Variants in ARHGEF17 observed in about 807,000 individuals in gnomAD.
The protein encoded by ARHGEF17 is 164 kDa Rho-specific guanine-nucleotide exchange factor.
A neutral mutation model predicts 174.0 loss-of-function variants in ARHGEF17; 80 were observed. That is an observed-to-expected ratio of 0.46 (90% CI 0.38 to 0.55). The LOEUF (loss-of-function observed/expected upper bound fraction) is 0.55. Among genes scored for constraint, ARHGEF17 ranks in the 20% least tolerant of loss-of-function variants. The pLI is 0.00. For synonymous variants in ARHGEF17, 1,311 were observed against 1,189.1 expected, an observed-to-expected ratio of 1.10 and a Z score of -2.11; for missense variants, 2,886 against 2,839.7, an observed-to-expected ratio of 1.02 and a Z score of -0.37.
At chr11:73,329,523 C>G (rs1456768183) in intron 1 of ARHGEF17, among the ~76,000 whole-genome samples, 1 of 150,274 alleles carries the variant, frequency 6.7e-6, no homozygotes, top group Admixed American at 6.6e-5. Flanking sequence ...CCTCAGCCTC[C>G]CGAGTAGCTT....
intron 1 of ARHGEF17, among the ~76,000 whole-genome samples, chr11:73,321,199 G>T (rs1591724381): frequency 2.0e-5 from 3 of 152,350 alleles, no homozygotes; most frequent in Middle Eastern, 6.8e-3. Context: ...TTCTCTGGAG[G>T]TGGGGAGGAG....
In ARHGEF17 at chr11:73,310,967, G is replaced by A. The variant is rs1401442402; in HGVS notation, c.2329G>A (p.Glu777Lys). The A allele has an allele frequency of 1.9e-6, 3 of 1,614,196 alleles. No individual in the cohort carries two copies. Among genetic ancestry groups the A allele is most frequent in the South Asian group, 1.1e-5 (1 of 91,084 alleles). ...GCTCCCTGCCACCTCAGCCATGGAT[G>A]AGGGCTTGACCAGTGGTCACAGTGA... is the stretch of plus-strand genomic sequence containing the variant. ...TGLPATSAMDEGLTSGHSDWS... is the reference protein window; with the variant it reads ...TGLPATSAMDKGLTSGHSDWS... The change falls in exon 1 of 21, where the codon GAG becomes AAG. Residue 777 changes from glutamate (E) to lysine (K), a missense_variant. This residue lies in a region of ARHGEF17 where 1,728 missense variants were observed against 1,461.2 expected (regional missense o/e 1.18). Coordinates refer to ENST00000263674, the MANE Select transcript of ARHGEF17 (RefSeq NM_014786.4).
chr11:73,340,294 CT>C (rs1370463627), intron 1 of ARHGEF17, among the ~76,000 whole-genome samples: 1 of 152,202 alleles, frequency 6.6e-6, no homozygotes, highest in Non-Finnish European at 1.5e-5. Context: ...CAAGCAGTGC[CT>C]TTGGCACCAA....
At chr11:73,324,190 A>T (rs1387227204) in intron 1 of ARHGEF17, among the ~76,000 whole-genome samples, 1 of 152,102 alleles carries the variant, frequency 6.6e-6, no homozygotes, top group Non-Finnish European at 1.5e-5. Context: ...TCTGCTTCGG[A>T]GGTAACAGAC....
Position 73,310,915 on chromosome 11 carries a change from C to T in ARHGEF17, c.2277C>T (p.Leu759=), listed in dbSNP as rs1411984805. Residue 759 remains leucine, a synonymous_variant, in exon 1 of 21, where the codon CTC becomes CTT. Coordinates refer to ENST00000263674, the MANE Select transcript of ARHGEF17 (RefSeq NM_014786.4). The part of the protein sequence containing the change: ...EPTGFSVDSN[L]LGSLSPKTGL... ...CTGGGTTCTCTGTGGACAGCAACCT[C>T]CTGGGCTCACTGAGCCCCAAGACAG... 1.9e-6 allele frequency: 3 copies of T among 1,613,774 alleles called. No individual in the cohort carries two copies. Among genetic ancestry groups the T allele is most frequent in the African/African-American group, 1.3e-5 (1 of 74,926 alleles).
intron 6 of ARHGEF17, 176 bp from the exon 7 acceptor site, chr11:73,356,533 C>T (rs1249489105): frequency 2.8e-5 from 31 of 1,114,744 alleles, no homozygotes; most frequent in Admixed American, 4.4e-5. Context: ...TGTTCTTCCA[C>T]GTCTGTCTCT....
At position 73,352,932 on chromosome 11, in the gene ARHGEF17, G is replaced by A. The variant is rs763740527; in HGVS notation, c.3373G>A (p.Glu1125Lys). 20 of 1,614,034 alleles carry A rather than the reference G, an allele frequency of 1.2e-5. No homozygotes were observed. Among genetic ancestry groups the A allele is most frequent in the East Asian group, 2.2e-5 (1 of 44,888 alleles). The change falls in exon 3 of 21, where the codon GAG (glutamate) becomes AAG (lysine). Residue 1125 changes from glutamate (E) to lysine (K), a missense_variant. By Grantham distance (56) the Glu-to-Lys change is moderately conservative. This residue lies in a region of ARHGEF17 where 353 missense variants were observed against 470.3 expected (regional missense o/e 0.75). Coordinates refer to ENST00000263674, the MANE Select transcript of ARHGEF17 (RefSeq NM_014786.4). ...GATCCCCGAGCTCCTGGAGCACCAC[G>A]AGCAATTCCTGGAGCAGGTTCGGCA... ...DQIPELLEHH[E>K]QFLEQVRHCM...
intron 1 of ARHGEF17, among the ~76,000 whole-genome samples, chr11:73,322,176 C>T (rs1385684547): frequency 6.6e-6 from 1 of 152,190 alleles, no homozygotes; most frequent in African/African-American, 2.4e-5. Context: ...GTCCCGATAG[C>T]TCCATCTTTC....
Position 73,365,998 on chromosome 11 carries a change from G to C in ARHGEF17, c.5995+51G>C. On this transcript the variant is annotated intron_variant, in intron 20 of 20. Transcript: ENST00000263674. The surrounding 1 kb of genome is among the most constrained non-coding windows in gnomAD (Gnocchi z 4.9). Reference sequence around the variant, plus strand: ...CTAGGGATCATGGACATTTGGTTTAGGACTCCCCACTATCCTGCCAGAAGA... The same window carrying C: ...CTAGGGATCATGGACATTTGGTTTACGACTCCCCACTATCCTGCCAGAAGA... 6.4e-7 allele frequency: 1 copy of C among 1,567,568 alleles called. No individual in the cohort carries two copies. The highest frequency in any genetic ancestry group is 8.6e-7 in the Non-Finnish European group (1 of 1,158,266).
chr11:73,308,914 G>C lies in ARHGEF17; in HGVS notation c.276G>C (p.Pro92=). 7.3e-7 allele frequency: 1 copy of C among 1,361,196 alleles called. No homozygotes were observed. Among genetic ancestry groups the C allele is most frequent in the South Asian group, 1.7e-5 (1 of 57,236 alleles). 84.3% of individuals were successfully genotyped at this position (1,361,196 alleles called of 1,614,324 possible). ...AGCTCTCCCGGCGCTTCGACGCGCC[G>C]CGTCTGGACGACGGCTCCGCTGGGA... ...VRQLSRRFDA[P]RLDDGSAGTR... The change falls in exon 1 of 21, where the codon CCG becomes CCC. Residue 92 remains proline, a synonymous_variant. Coordinates refer to ENST00000263674, the MANE Select transcript of ARHGEF17 (RefSeq NM_014786.4).
intron 14 of ARHGEF17, among the ~76,000 whole-genome samples, chr11:73,362,960 G>A (rs1208883582): frequency 6.6e-6 from 1 of 152,236 alleles, no homozygotes; most frequent in Admixed American, 6.5e-5. Context: ...GGAAGATGGG[G>A]TGCTGGTGGA....
rs779804646 is a variant in ARHGEF17, at chr11:73,362,186, C to T, written c.4641C>T (p.Ser1547=). Residue 1547 remains serine (S), a synonymous_variant, in exon 13 of 21, where the codon TCC becomes TCT. Transcript: ENST00000263674. ...PDVEACIAVC[S]ARILCIGAVP... is the part of the protein sequence containing the mutation. ...TGGAGGCCTGCATCGCCGTCTGTTC[C>T]GCCCGCATCCTCTGCATCGGGGCGG... 2.5e-6 allele frequency: 4 copies of T among 1,582,014 alleles called. No individual in the cohort carries two copies. The highest frequency in any genetic ancestry group is 3.4e-6 in the Non-Finnish European group (4 of 1,167,776).
chr11:73,347,052 G>T, intron 2 of ARHGEF17, 92 bp downstream of exon 2: 1 of 1,259,078 alleles, frequency 7.9e-7, no homozygotes, highest in South Asian at 1.3e-5. Flanking sequence ...ATGGACAAGG[G>T]ACTGAGGCCA....
Position 73,310,416 on chromosome 11 carries a change from A to T in ARHGEF17, c.1778A>T (p.Gln593Leu). 1 of 1,613,994 alleles carries T rather than the reference A, an allele frequency of 6.2e-7. No individual in the cohort carries two copies. The highest frequency in any genetic ancestry group is 2.2e-5 in the East Asian group (1 of 44,882). ...LPLIVQDQYV[Q>L]EARQVFEKIQ... ...CTCATCGTCCAGGACCAATATGTGC[A>T]GGAGGCCCGCCAGGTTTTTGAGAAG... Residue 593 changes from glutamine to leucine, a missense_variant, in exon 1 of 21, where the codon CAG becomes CTG. Transcript: ENST00000263674.
rs1356430388 is a variant in ARHGEF17, at chr11:73,360,351, C to A, written c.4238C>A (p.Ala1413Asp). ...SLDDALRDLS[A>D]AMHRDLSEKQ... ...GACGATGCACTGCGGGACCTCTCAGCTGCCATGCACCGGGACCTGTCGGAG... is the reference window on the plus strand; with the variant it reads ...GACGATGCACTGCGGGACCTCTCAGATGCCATGCACCGGGACCTGTCGGAG... Residue 1413 changes from alanine (A) to aspartate (D), a missense_variant, in exon 11 of 21, where the codon GCT (alanine) becomes GAT (aspartate). Physicochemically the swap from Ala to Asp is moderately radical, Grantham distance 126. Transcript: ENST00000263674. The A allele has an allele frequency of 6.2e-7, 1 of 1,613,760 alleles. No homozygotes were observed. Among genetic ancestry groups the A allele is most frequent in the African/African-American group, 1.3e-5 (1 of 74,956 alleles).
At chr11:73,328,480 A>G (rs1399730230) in intron 1 of ARHGEF17, among the ~76,000 whole-genome samples, 2 of 152,034 alleles carry the variant, frequency 1.3e-5, no homozygotes, top group Non-Finnish European at 2.9e-5. Context: ...CAGGCTGGGG[A>G]CTCACTTTGA....
intron 1 of ARHGEF17, among the ~76,000 whole-genome samples, chr11:73,329,445 G>A (rs1205916654): frequency 7.3e-6 from 1 of 136,516 alleles, no homozygotes; most frequent in Non-Finnish European, 1.5e-5. Context: ...TGTCACCCAC[G>A]CTGGAGTGCA....
intron 1 of ARHGEF17, among the ~76,000 whole-genome samples, chr11:73,315,020 G>A (rs1107039): frequency 0.13 from 19,859 of 152,268 alleles, 1,609 homozygotes; most frequent in African/African-American, 0.23. Flanking sequence ...TCAAGTGCTT[G>A]CTATGTGCCA....
rs1865822133 is a variant in ARHGEF17, at chr11:73,365,561, G to A, written c.5722G>A (p.Ala1908Thr). 6.2e-7 allele frequency: 1 copy of A among 1,614,020 alleles called. No homozygotes were observed. The highest frequency in any genetic ancestry group is 8.5e-7 in the Non-Finnish European group (1 of 1,180,038). The change falls in exon 19 of 21, where the codon GCA becomes ACA. Residue 1908 changes from alanine (A) to threonine (T), a missense_variant. Ala to Thr is a moderately conservative substitution (Grantham distance 58). Around this residue, in one of 4 missense-constraint regions of ARHGEF17, gnomAD observed 329 missense variants for 435.2 expected, o/e 0.76. Coordinates refer to ENST00000263674, the MANE Select transcript of ARHGEF17 (RefSeq NM_014786.4). This position sits in a 1 kb window ranked among gnomAD's most constrained non-coding sequence, Gnocchi z 4.9. ...CACTCCTCCCGTGCACAGGATGCTG[G>A]CAGGTACTGACCTCAAACTACCACA... ...DVTPPVHRML[A>T]GSDAIIRQHK...
Sources: gnomAD v4.1 joint callset for allele counts (sites outside exome capture counted in the v4.1 genomes callset) on GRCh38, gnomAD v4.1.1 for gene constraint, gnomAD v4.1.1 regional missense constraint, Gnocchi (gnomAD v3.1) non-coding constraint, MANE v1.5 for transcripts, NCBI Gene and HGNC (gene_info 2026-07-23, HGNC 2026-07-21) for gene names.